The following CTNNA2 variants were observed in gnomAD, a reference collection of about 807,000 sequenced individuals.
The protein encoded by CTNNA2 is catenin alpha 2.
In CTNNA2, 42 loss-of-function variants were observed where a neutral mutation model predicts 101.0. The ratio of observed to expected loss-of-function variants is 0.42; its 90% CI spans 0.32 to 0.54. The LOEUF (loss-of-function observed/expected upper bound fraction) is 0.54. CTNNA2 is among the 20% of genes least tolerant of loss of function. The pLI, the probability that CTNNA2 is intolerant of heterozygous loss-of-function variation, is 0.14. For missense variants in CTNNA2, 871 were observed against 1,223.1 expected (o/e 0.71, Z 4.29); for synonymous variants, 450 against 456.4 (o/e 0.99, Z 0.18).
chr2:80,027,395 A>G lies in CTNNA2; in HGVS notation c.1056+117598A>G, dbSNP rs111841178. Among the ~76,000 whole-genome samples the G allele has an allele frequency of 7.5e-3, 1,150 of 152,368 alleles. 15 individuals carry two copies. Among genetic ancestry groups the G allele is most frequent in the African/African-American group, 0.025 (1,042 of 41,592 alleles). The stretch of plus-strand genomic sequence containing the variant: ...GTGGCCAGCCCACATGGGGCCTCTT[A>G]AAGACTGTGGTTAGACAGGTCTACG... On this transcript the variant is annotated intron_variant, in intron 7 of 18. Transcript: ENST00000402739.
chr2:80,454,789 G>A (rs1048670764), intron 9 of CTNNA2, among the ~76,000 whole-genome samples: 1 of 152,214 alleles, frequency 6.6e-6, no homozygotes, highest in Admixed American at 6.5e-5. Context: ...GCCAGCCCTG[G>A]GCATTTGATC....
intron 2 of CTNNA2, among the ~76,000 whole-genome samples, chr2:79,300,202 A>G (rs1235007515): frequency 6.6e-6 from 1 of 152,132 alleles, no homozygotes; most frequent in Non-Finnish European, 1.5e-5. Context: ...CTCTGCCACA[A>G]ACCCCGGCAA....
intron 4 of CTNNA2, among the ~76,000 whole-genome samples, chr2:79,865,986 T>C (rs868690182): frequency 1.6e-4 from 25 of 152,372 alleles, no homozygotes; most frequent in Middle Eastern, 3.4e-3. Flanking sequence ...CCCGAAGTGC[T>C]GGGATTACAG....
chr2:79,295,613 A>G (rs1253637230), intron 2 of CTNNA2, among the ~76,000 whole-genome samples: 1 of 150,958 alleles, frequency 6.6e-6, no homozygotes, highest in Non-Finnish European at 1.5e-5. Flanking sequence ...CATATGTTGC[A>G]ATGAGAGACT....
intron 4 of CTNNA2, among the ~76,000 whole-genome samples, chr2:79,427,011 G>A (rs1201141306): frequency 1.3e-5 from 2 of 152,078 alleles, no homozygotes; most frequent in African/African-American, 2.4e-5. Context: ...ACAATGTAAA[G>A]GGTGATGTTT....
chr2:79,461,983 G>A lies in CTNNA2; in HGVS notation c.-134-43071G>A, dbSNP rs140457607. Among the ~76,000 whole-genome samples the A allele has an allele frequency of 5.9e-4, 89 of 151,984 alleles. 1 individual carries two copies. Among genetic ancestry groups the A allele is most frequent in the Middle Eastern group, 3.4e-3 (1 of 294 alleles). On this transcript the variant is annotated intron_variant, in intron 4 of 21. Coordinates refer to the CTNNA2 transcript ENST00000466387. ...GAGAAAATGTTGAGGTGATGAGAAT[G>A]AGATTCATACAGGCAAATGTACAGT... is the stretch of plus-strand genomic sequence containing the variant.
chr2:79,410,750 T>A (rs1288760115), intron 4 of CTNNA2, among the ~76,000 whole-genome samples: 1 of 149,240 alleles, frequency 6.7e-6, no homozygotes, highest in South Asian at 2.2e-4. Flanking sequence ...AGGATATTGG[T>A]CTAAAATTCT....
intron 7 of CTNNA2, among the ~76,000 whole-genome samples, chr2:80,001,060 T>C (rs1053431996): frequency 6.6e-6 from 1 of 152,236 alleles, no homozygotes; most frequent in African/African-American, 2.4e-5. Context: ...CTGCCTTTAC[T>C]TGTGGCTTGT....
intron 2 of CTNNA2, among the ~76,000 whole-genome samples, chr2:79,232,218 T>G (rs1674501883): frequency 6.6e-6 from 1 of 152,196 alleles, no homozygotes; most frequent in Admixed American, 6.5e-5. Flanking sequence ...CTTATTATTT[T>G]GAGGTATGTT....
intron 11 of CTNNA2, among the ~76,000 whole-genome samples, chr2:80,552,724 C>T (rs147841909): frequency 2.8e-4 from 42 of 152,120 alleles, no homozygotes; most frequent in African/African-American, 8.2e-4. Flanking sequence ...TTGTACAGCA[C>T]GTTACTGTAC....
intron 4 of CTNNA2, among the ~76,000 whole-genome samples, chr2:79,412,545 C>G (rs1573154073): frequency 1.3e-5 from 2 of 152,074 alleles, no homozygotes; most frequent in East Asian, 3.9e-4. Context: ...AACAAACTGT[C>G]TCTCAGACCA....
At chr2:79,690,866 T>G (rs1381115191) in intron 2 of CTNNA2, among the ~76,000 whole-genome samples, 1 of 152,020 alleles carries the variant, frequency 6.6e-6, no homozygotes, top group Non-Finnish European at 1.5e-5. Flanking sequence ...TATTTATACA[T>G]GGGGTTAACA....
At chr2:80,185,999 A>G (rs1443897) in intron 7 of CTNNA2, among the ~76,000 whole-genome samples, 30,603 of 152,140 alleles carry the variant, frequency 0.2, 4,260 homozygotes, top group African/African-American at 0.39. Context: ...TCTGTGAGCC[A>G]ATTGTTGTGG....
intron 7 of CTNNA2, among the ~76,000 whole-genome samples, chr2:80,162,051 T>C (rs1456971091): frequency 6.6e-6 from 1 of 152,188 alleles, no homozygotes; most frequent in African/African-American, 2.4e-5. Context: ...ATTTTTGAAT[T>C]AACTAAAATA....
At chr2:80,074,306 C>G (rs1698543041) in intron 7 of CTNNA2, among the ~76,000 whole-genome samples, 1 of 152,054 alleles carries the variant, frequency 6.6e-6, no homozygotes, top group Non-Finnish European at 1.5e-5. Context: ...AGAACAGACC[C>G]CCATCTGGCT....
intron 3 of CTNNA2, among the ~76,000 whole-genome samples, chr2:79,771,751 C>T (rs1673597654): frequency 6.6e-6 from 1 of 152,114 alleles, no homozygotes; most frequent in Non-Finnish European, 1.5e-5. Flanking sequence ...GCTCACTTGC[C>T]TGCTGCTTAC....
chr2:79,766,498 G>T (rs769816447), intron 3 of CTNNA2, among the ~76,000 whole-genome samples: 2 of 152,016 alleles, frequency 1.3e-5, no homozygotes, highest in Non-Finnish European at 2.9e-5. Context: ...TGTTAAATGC[G>T]TTGAGGTAGT....
At chr2:79,678,781 T>C (rs1448839329) in intron 2 of CTNNA2, among the ~76,000 whole-genome samples, 1 of 152,184 alleles carries the variant, frequency 6.6e-6, no homozygotes, top group Non-Finnish European at 1.5e-5. Context: ...TCTCGTTGAA[T>C]AGCATTCTCC....
intron 2 of CTNNA2, among the ~76,000 whole-genome samples, chr2:79,226,747 A>G (rs1366734568): frequency 6.6e-6 from 1 of 152,110 alleles, no homozygotes; most frequent in East Asian, 1.9e-4. Context: ...TAAAATCCAT[A>G]CCTGAAAGAA....
Sources: allele counts gnomAD v4.1 joint callset (sites outside exome capture counted in the v4.1 genomes callset), GRCh38; gene constraint gnomAD v4.1.1; transcripts MANE v1.5; gene names NCBI Gene and HGNC (gene_info 2026-07-23, HGNC 2026-07-21).